Variants in MYO1E observed in about 807,000 individuals in gnomAD.
MYO1E encodes the protein myosin IE, also known as unconventional myosin-Ie.
In MYO1E, 68 loss-of-function variants were observed where a neutral mutation model predicts 151.1. The observed-to-expected ratio is 0.45, with a 90% CI of 0.37 to 0.55. The LOEUF is 0.55. Ranked by LOEUF, MYO1E falls within the 20% of genes least tolerant of loss-of-function variation. The pLI, the probability that MYO1E is intolerant of heterozygous loss-of-function variation, is 0.00. For synonymous variants in MYO1E, 601 were observed against 501.7 expected, an observed-to-expected ratio of 1.20 and a Z score of -2.64; for missense variants, 1,363 against 1,389.3, an observed-to-expected ratio of 0.98 and a Z score of 0.30.
chr15:59,366,322 C>T (rs1312445242), intron 1 of MYO1E, among the ~76,000 whole-genome samples: 1 of 150,948 alleles, frequency 6.6e-6, no homozygotes, highest in Non-Finnish European at 1.5e-5. Flanking sequence ...CTCTCTCTCT[C>T]TCTCACTCTC....
chr15:59,207,838 G>T, intron 14 of MYO1E: 1 of 1,614,184 alleles, frequency 6.2e-7, no homozygotes, highest in Non-Finnish European at 8.5e-7. Flanking sequence ...TACTTCTTGG[G>T]CCATTGGCCT....
intron 26 of MYO1E, among the ~76,000 whole-genome samples, chr15:59,142,072 A>C (rs2079413409): frequency 1.3e-5 from 2 of 151,714 alleles, no homozygotes; most frequent in African/African-American, 4.8e-5. Flanking sequence ...GTGCCACTGC[A>C]CTCCAGCCTG....
In MYO1E at chr15:59,208,035, G is replaced by GA. The variant is rs776005387; in HGVS notation, c.1530+645dup. 80 of 1,587,620 alleles carry GA rather than the reference G, an allele frequency of 5.0e-5. No individual in the cohort carries two copies. The East Asian group carries it at 1.7e-3, about 33-fold the overall frequency. On this transcript the variant is annotated intron_variant, in intron 14 of 27. Coordinates refer to ENST00000288235, the MANE Select transcript of MYO1E (RefSeq NM_004998.4). ...TGACCCCTGAAGAAGAGGCCCATCTGAAAAAAAGTGCAAAAACACTCTGGG... is the reference window on the plus strand; with the variant it reads ...TGACCCCTGAAGAAGAGGCCCATCTGAAAAAAAAGTGCAAAAACACTCTGGG...
At chr15:59,168,810 G>C (rs1425622521) in intron 22 of MYO1E, among the ~76,000 whole-genome samples, 1 of 152,052 alleles carries the variant, frequency 6.6e-6, no homozygotes, top group African/African-American at 2.4e-5. Flanking sequence ...TTGTAGAGAT[G>C]GGTTCTTACT....
chr15:59,372,711 C>T lies in MYO1E; in HGVS notation c.-211G>A, dbSNP rs1567028266. On this transcript the variant is annotated 5_prime_UTR_variant, in exon 1 of 28. Coordinates refer to ENST00000288235, the MANE Select transcript of MYO1E (RefSeq NM_004998.4). ...CTAGGTGAGGGCGAGACGGCGGCGA[C>T]TTAGCAGGCGGGGCGCATGCTGCGG... is the stretch of plus-strand genomic sequence containing the variant. The T allele has an allele frequency of 3.3e-6, 2 of 601,310 alleles. No individual in the cohort carries two copies. Among genetic ancestry groups the T allele is most frequent in the Non-Finnish European group, 5.7e-6 (2 of 353,366 alleles). 37.2% of individuals were successfully genotyped at this position (601,310 alleles called of 1,614,324 possible).
At chr15:59,316,417 A>G (rs558189734) in intron 1 of MYO1E, among the ~76,000 whole-genome samples, 72 of 152,326 alleles carry the variant, frequency 4.7e-4, no homozygotes, top group African/African-American at 1.7e-3. Flanking sequence ...AATGCTAATT[A>G]ACTCATACCC....
At chr15:59,332,352 T>C (rs2080703128) in intron 1 of MYO1E, among the ~76,000 whole-genome samples, 1 of 152,232 alleles carries the variant, frequency 6.6e-6, no homozygotes, top group African/African-American at 2.4e-5. Flanking sequence ...TCCTGGGCTT[T>C]TGTACAGCAA....
chr15:59,262,607 C>G (rs1197307782), intron 2 of MYO1E, among the ~76,000 whole-genome samples: 1 of 152,002 alleles, frequency 6.6e-6, no homozygotes, highest in African/African-American at 2.4e-5. Context: ...GCCAAGATCA[C>G]GTCACCGCAT....
chr15:59,142,577 A>G (rs774622865), intron 26 of MYO1E, among the ~76,000 whole-genome samples: 123 of 152,154 alleles, frequency 8.1e-4, no homozygotes, highest in Non-Finnish European at 1.4e-3. Context: ...CTCAGCTGTT[A>G]TTAGTTCGCC....
At chr15:59,138,422 G>C in intron 26 of MYO1E, 55 bp from the exon 27 acceptor site, 1 of 1,596,814 alleles carries the variant, frequency 6.3e-7, no homozygotes, top group Non-Finnish European at 8.6e-7. Flanking sequence ...CAGCAGCACC[G>C]AACGGTGGTT....
At chr15:59,287,065 C>G (rs2080391624) in intron 1 of MYO1E, among the ~76,000 whole-genome samples, 1 of 152,012 alleles carries the variant, frequency 6.6e-6, no homozygotes, top group African/African-American at 2.4e-5. Context: ...CTCCCTTCCA[C>G]CACCTGACAG....
chr15:59,329,326 T>A (rs1298539874), intron 1 of MYO1E, among the ~76,000 whole-genome samples: 1 of 152,028 alleles, frequency 6.6e-6, no homozygotes, highest in South Asian at 2.1e-4. Context: ...AGAGTCAGAG[T>A]GGTTAAAGGA....
rs541752660 is a variant in MYO1E, at chr15:59,362,340, G to A, written c.3+10158C>T. Among the ~76,000 whole-genome samples, 103 of 152,264 alleles carry A rather than the reference G, an allele frequency of 6.8e-4. 1 individual carries two copies. The Middle Eastern group carries it at 0.01, about 15-fold the overall frequency. The stretch of plus-strand genomic sequence containing the variant: ...ATATTGATACCATATTATCAAACAA[G>A]CCACATGTATTTCTCTTCCAATGAA... On this transcript the variant is annotated intron_variant, in intron 1 of 27. Transcript: ENST00000288235.
intron 4 of MYO1E, among the ~76,000 whole-genome samples, chr15:59,242,739 AT>A (rs1422855281): frequency 6.6e-6 from 1 of 152,224 alleles, no homozygotes. Context: ...AGAAAATAAA[AT>A]TAATTTAATG....
At chr15:59,188,481 A>AG (rs1480730456) in intron 17 of MYO1E, among the ~76,000 whole-genome samples, 1 of 152,106 alleles carries the variant, frequency 6.6e-6, no homozygotes, top group African/African-American at 2.4e-5. Context: ...AGATCACCTG[A>AG]GGTCAGGAGT....
chr15:59,138,456 C>A, intron 26 of MYO1E, 89 bp from the exon 27 acceptor site: 1 of 1,421,800 alleles, frequency 7.0e-7, no homozygotes, highest in Non-Finnish European at 9.8e-7. Context: ...CCGGCACTGG[C>A]CTGTTCAAGT....
intron 13 of MYO1E, among the ~76,000 whole-genome samples, chr15:59,209,739 T>G (rs1255785501): frequency 6.6e-6 from 1 of 151,608 alleles, no homozygotes; most frequent in Non-Finnish European, 1.5e-5. Flanking sequence ...TTTTACTGTT[T>G]CCAGTTTTTG....
At chr15:59,268,182 A>G (rs1235371995) in intron 2 of MYO1E, among the ~76,000 whole-genome samples, 4 of 152,354 alleles carry the variant, frequency 2.6e-5, no homozygotes, top group Non-Finnish European at 5.9e-5. Flanking sequence ...TGAAGTGTTA[A>G]AGGATGCTTT....
chr15:59,168,635 C>T (rs2079575014), intron 22 of MYO1E, among the ~76,000 whole-genome samples: 1 of 152,122 alleles, frequency 6.6e-6, no homozygotes, highest in South Asian at 2.1e-4. Context: ...CAACCTCACT[C>T]TCCCTGCTTC....
Sources: allele counts gnomAD v4.1 joint callset (sites outside exome capture counted in the v4.1 genomes callset), GRCh38; gene constraint gnomAD v4.1.1; transcripts MANE v1.5; gene names NCBI Gene and HGNC (gene_info 2026-07-23, HGNC 2026-07-21).